Variants in GPD2 observed in about 807,000 individuals in gnomAD.
GPD2 encodes glycerol-3-phosphate dehydrogenase 2.
In GPD2, 54 loss-of-function variants were observed where a neutral mutation model predicts 82.4. The observed-to-expected ratio is 0.66, with a 90% CI of 0.53 to 0.82. The LOEUF (loss-of-function observed/expected upper bound fraction) is 0.82. GPD2 is among the 40% of genes least tolerant of loss of function. The pLI is 0.00. For missense variants in GPD2, 748 were observed against 896.2 expected, an observed-to-expected ratio of 0.83 and a Z score of 2.11; for synonymous variants, 288 against 306.1, an observed-to-expected ratio of 0.94 and a Z score of 0.62.
intron 13 of GPD2, among the ~76,000 whole-genome samples, chr2:156,574,909 G>C (rs7591462): frequency 6.6e-6 from 1 of 152,140 alleles, no homozygotes; most frequent in African/African-American, 2.4e-5. Context: ...ATGCTGGAGA[G>C]TAAGGAGAAC....
At chr2:156,536,829 C>G (rs558644505) in intron 6 of GPD2, among the ~76,000 whole-genome samples, 2 of 152,250 alleles carry the variant, frequency 1.3e-5, no homozygotes, top group Non-Finnish European at 2.9e-5. Context: ...CAGGTCTAAG[C>G]AGATTAATAG....
intron 2 of GPD2, among the ~76,000 whole-genome samples, chr2:156,487,735 C>T (rs1684000696): frequency 6.6e-6 from 1 of 152,190 alleles, no homozygotes. Flanking sequence ...CTACCCCAAC[C>T]TCAGACTTAC....
intron 2 of GPD2, among the ~76,000 whole-genome samples, chr2:156,476,926 A>G (rs571123159): frequency 6.6e-6 from 1 of 152,346 alleles, no homozygotes; most frequent in South Asian, 2.1e-4. Context: ...ATTTTGTGAT[A>G]CTAGCTGTGT....
At chr2:156,400,966 G>GA in the GPD2 span, among the ~76,000 whole-genome samples, 2 of 152,146 alleles carry the variant, frequency 1.3e-5, no homozygotes, top group East Asian at 1.9e-4. Flanking sequence ...AAGGAGGGCT[G>GA]AAAAAAATCA....
At chr2:156,400,446 C>A in the GPD2 span, among the ~76,000 whole-genome samples, 1 of 152,192 alleles carries the variant, frequency 6.6e-6, no homozygotes, top group Non-Finnish European at 1.5e-5. Context: ...GGTGCCAGCT[C>A]CGGCAGGCAT....
In GPD2 at chr2:156,571,285, A is replaced by G; in HGVS notation, c.1760A>G (p.Lys587Arg). The stretch of plus-strand genomic sequence containing the variant: ...AGGGAACTGAATTGGGATGATTATA[A>G]GAAGCAGGTATTATATAGAAGTCTT... ...MGRELNWDDY[K>R]KQEQLETARK... The change falls in exon 13 of 17, where the codon AAG becomes AGG. Residue 587 changes from lysine to arginine, a missense_variant. Physicochemically the swap from Lys to Arg is conservative, Grantham distance 26. Coordinates refer to ENST00000438166, the MANE Select transcript of GPD2 (RefSeq NM_000408.5). 3 of 1,601,542 alleles carry G rather than the reference A, an allele frequency of 1.9e-6. No individual in the cohort carries two copies. Among genetic ancestry groups the G allele is most frequent in the Non-Finnish European group, 2.6e-6 (3 of 1,172,484 alleles).
intron 1 of GPD2, among the ~76,000 whole-genome samples, chr2:156,467,416 G>T (rs1033310320): frequency 6.6e-6 from 1 of 152,122 alleles, no homozygotes; most frequent in Non-Finnish European, 1.5e-5. Flanking sequence ...CTTTTACTTG[G>T]TTTTTTGATT....
chr2:156,570,245 C>G, intron 12 of GPD2, 27 bp downstream of exon 12: 1 of 1,595,590 alleles, frequency 6.3e-7, no homozygotes, highest in Non-Finnish European at 8.6e-7. Context: ...ATAGGAATTT[C>G]ATGTCTGCCA....
chr2:156,547,301 C>T (rs747837258), intron 6 of GPD2, among the ~76,000 whole-genome samples: 3 of 152,184 alleles, frequency 2.0e-5, no homozygotes, highest in African/African-American at 7.2e-5. Context: ...TAAAGGGAGA[C>T]TTTCTGCATC....
intron 2 of GPD2, among the ~76,000 whole-genome samples, chr2:156,495,131 T>C (rs764858461): frequency 2.0e-5 from 3 of 152,136 alleles, no homozygotes; most frequent in Admixed American, 6.5e-5. Flanking sequence ...GATTGCTTGA[T>C]TGATTCTAGG....
At chr2:156,479,536 C>T (rs373964627) in intron 2 of GPD2, among the ~76,000 whole-genome samples, 5 of 152,258 alleles carry the variant, frequency 3.3e-5, no homozygotes, top group African/African-American at 1.2e-4. Flanking sequence ...CTAAGGGAAA[C>T]AGGTCAGATT....
At chr2:156,473,627 G>A (rs759040238) in intron 1 of GPD2, 15 of 152,190 alleles carry the variant, frequency 9.9e-5, no homozygotes, top group African/African-American at 3.1e-4. Context: ...AGGCATGTGC[G>A]TTGTTTAAGG....
At position 156,496,198 on chromosome 2, in the gene GPD2, T is replaced by A; in HGVS notation, c.257T>A (p.Leu86Gln). The change falls in exon 3 of 17, where the codon CTA (leucine) becomes CAA (glutamine). Residue 86 changes from leucine to glutamine, a missense_variant. Transcript: ENST00000438166. Reference sequence around the variant, plus strand: ...GGAGCAACAGGAAGTGGCTGTGCGCTAGATGCTGTCACCAGAGGTAAGTCT... The same window carrying A: ...GGAGCAACAGGAAGTGGCTGTGCGCAAGATGCTGTCACCAGAGGTAAGTCT... ...GGGATGSGCA[L>Q]DAVTRGLKTA... 4 of 1,610,996 alleles carry A rather than the reference T, an allele frequency of 2.5e-6. No homozygotes were observed. The highest frequency in any genetic ancestry group is 3.4e-6 in the Non-Finnish European group (4 of 1,177,272).
At chr2:156,565,035 A>G (rs1687330643) in intron 9 of GPD2, among the ~76,000 whole-genome samples, 2 of 152,128 alleles carry the variant, frequency 1.3e-5, no homozygotes, top group Non-Finnish European at 2.9e-5. Context: ...GTTTCAGACA[A>G]TACAATTTCA....
At chr2:156,422,872 TA>T in the GPD2 span, among the ~76,000 whole-genome samples, 2 of 152,210 alleles carry the variant, frequency 1.3e-5, no homozygotes, top group Admixed American at 6.5e-5. Flanking sequence ...ATAATAATTC[TA>T]ATATTAAAAA....
chr2:156,451,883 G>A (rs1480571532), intron 1 of GPD2, among the ~76,000 whole-genome samples: 5 of 151,260 alleles, frequency 3.3e-5, no homozygotes, highest in East Asian at 2.0e-4. Context: ...CAGACGGGGC[G>A]GCCGGGCAGA....
At chr2:156,449,856 C>CAAAAAAAAAAAAAAAAAAA (rs70987037) in intron 1 of GPD2, among the ~76,000 whole-genome samples, 2 of 83,996 alleles carry the variant, frequency 2.4e-5, no homozygotes, top group Non-Finnish European at 4.6e-5. Context: ...ACTAAATATA[C>CAAAAAAAAAAAAAAAAAAA]AAAAAAAAAA....
At chr2:156,485,046 A>C (rs1026075109) in intron 2 of GPD2, among the ~76,000 whole-genome samples, 2 of 152,194 alleles carry the variant, frequency 1.3e-5, no homozygotes, top group African/African-American at 4.8e-5. Flanking sequence ...TATTTCACTT[A>C]GCATAATGTC....
intron 2 of GPD2, among the ~76,000 whole-genome samples, chr2:156,477,034 A>G (rs1036164162): frequency 6.6e-6 from 1 of 152,198 alleles, no homozygotes; most frequent in Admixed American, 6.5e-5. Context: ...CCTTTAAGCC[A>G]TGGTTTGTCT....
Sources: allele counts gnomAD v4.1 joint callset (sites outside exome capture counted in the v4.1 genomes callset), GRCh38; gene constraint gnomAD v4.1.1; transcripts MANE v1.5; gene names NCBI Gene and HGNC (gene_info 2026-07-23, HGNC 2026-07-21).